The following EXOC4 variants were observed in gnomAD, a reference collection of about 807,000 sequenced individuals.
EXOC4 encodes the protein SEC8-like 1.
EXOC4 carries 71 observed loss-of-function variants against 107.2 expected under a neutral mutation model. The observed-to-expected ratio is 0.66, with a 90% confidence interval of 0.55 to 0.81. The LOEUF (loss-of-function observed/expected upper bound fraction) is 0.81. EXOC4 is among the 30% of genes least tolerant of loss of function. The pLI, the probability that EXOC4 is intolerant of heterozygous loss-of-function variation, is 0.00. For synonymous variants in EXOC4, 456 were observed against 441.2 expected, an observed-to-expected ratio of 1.03 and a Z score of -0.42; for missense variants, 1,108 against 1,189.6, an observed-to-expected ratio of 0.93 and a Z score of 1.01.
intron 2 of EXOC4, among the ~76,000 whole-genome samples, chr7:133,276,410 T>C (rs1793992813): frequency 6.6e-6 from 1 of 152,234 alleles, no homozygotes; most frequent in Admixed American, 6.5e-5. Context: ...CCACCACTTA[T>C]TGAACACTGA....
chr7:133,533,283 T>A (rs1340131955), intron 9 of EXOC4, among the ~76,000 whole-genome samples: 2 of 152,148 alleles, frequency 1.3e-5, no homozygotes, highest in African/African-American at 2.4e-5. Context: ...GTCTGGTATA[T>A]AATATACTTC....
intron 12 of EXOC4, 82 bp from the exon 13 acceptor site, chr7:133,917,501 T>C (rs1799835808): frequency 7.1e-7 from 1 of 1,401,624 alleles, no homozygotes. Context: ...ATTTCTTTTT[T>C]CCTGCAGCAA....
At chr7:133,540,612 T>C (rs1006248749) in intron 9 of EXOC4, among the ~76,000 whole-genome samples, 2 of 152,176 alleles carry the variant, frequency 1.3e-5, no homozygotes, top group African/African-American at 4.8e-5. Context: ...GCTCTTTGCA[T>C]ATATATATGT....
chr7:133,521,504 A>G (rs976343064), intron 9 of EXOC4, among the ~76,000 whole-genome samples: 1 of 152,148 alleles, frequency 6.6e-6, no homozygotes, highest in Admixed American at 6.5e-5. Context: ...ATTCTCCCCC[A>G]ATGTATTTTA....
chr7:134,100,656 A>T, the EXOC4 span, among the ~76,000 whole-genome samples: 1 of 130,592 alleles, frequency 7.7e-6, no homozygotes, highest in African/African-American at 2.6e-5. Context: ...AAGACATCTA[A>T]ATTTTGGAGC....
At chr7:133,889,411 TTAC>T in intron 11 of EXOC4, among the ~76,000 whole-genome samples, 1 of 150,908 alleles carries the variant, frequency 6.6e-6, no homozygotes, top group Non-Finnish European at 1.5e-5. Flanking sequence ...TTTATTATTA[TTAC>T]TATTATTATT....
intron 17 of EXOC4, among the ~76,000 whole-genome samples, chr7:134,028,665 G>T (rs1795200089): frequency 6.6e-6 from 1 of 152,186 alleles, no homozygotes; most frequent in African/African-American, 2.4e-5. Flanking sequence ...CTTGTTAAGT[G>T]CCAACTAGTC....
At chr7:133,350,555 A>G (rs1031802071) in intron 5 of EXOC4, among the ~76,000 whole-genome samples, 14 of 152,120 alleles carry the variant, frequency 9.2e-5, no homozygotes, top group African/African-American at 2.9e-4. Context: ...CCAGCACCAC[A>G]GTGTTTTGAT....
chr7:133,671,591 A>G (rs1425031078), intron 10 of EXOC4, among the ~76,000 whole-genome samples: 1 of 152,100 alleles, frequency 6.6e-6, no homozygotes, highest in African/African-American at 2.4e-5. Context: ...GTAAATAAAT[A>G]GGATGGATTT....
At chr7:133,895,835 C>T in intron 12 of EXOC4, 100 bp downstream of exon 12, 2 of 1,320,322 alleles carry the variant, frequency 1.5e-6, no homozygotes, top group Non-Finnish European at 2.1e-6. Flanking sequence ...AAAGGATCAT[C>T]TCTGAGTTTG....
intron 9 of EXOC4, among the ~76,000 whole-genome samples, chr7:133,533,503 T>C (rs1800219102): frequency 6.6e-6 from 1 of 152,118 alleles, no homozygotes; most frequent in Non-Finnish European, 1.5e-5. Context: ...CTGGCTAGTT[T>C]ATGTAGAGCT....
intron 11 of EXOC4, among the ~76,000 whole-genome samples, chr7:133,840,569 A>G (rs745357838): frequency 2.2e-4 from 33 of 151,712 alleles, no homozygotes; most frequent in Non-Finnish European, 4.1e-4. Context: ...CAGTGGCGCA[A>G]TCTCAGCTCA....
At chr7:134,005,241 G>A (rs1429950226) in intron 16 of EXOC4, 151 bp downstream of exon 16, 7 of 724,770 alleles carry the variant, frequency 9.7e-6, no homozygotes, top group African/African-American at 1.8e-5. Flanking sequence ...TAGCCTCTTT[G>A]TGTATGACTA....
intron 9 of EXOC4, among the ~76,000 whole-genome samples, chr7:133,570,158 A>G (rs912144117): frequency 2.0e-5 from 3 of 152,218 alleles, no homozygotes; most frequent in African/African-American, 7.2e-5. Flanking sequence ...TAGTTGGCAC[A>G]GTGTCAATAT....
At chr7:133,316,778 T>C (rs1434573965) in intron 4 of EXOC4, among the ~76,000 whole-genome samples, 2 of 152,204 alleles carry the variant, frequency 1.3e-5, no homozygotes. Flanking sequence ...ATGAAATTTA[T>C]GAGTCTCTTT....
At chr7:133,700,994 T>G (rs541925585) in intron 10 of EXOC4, among the ~76,000 whole-genome samples, 10 of 152,080 alleles carry the variant, frequency 6.6e-5, no homozygotes, top group African/African-American at 2.2e-4. Context: ...AAAAAAAATA[T>G]AATGTATTCT....
chr7:133,408,503 A>T (rs1797280436), intron 7 of EXOC4, among the ~76,000 whole-genome samples: 1 of 151,116 alleles, frequency 6.6e-6, no homozygotes, highest in South Asian at 2.1e-4. Context: ...GGTAAGGATG[A>T]TGGAGGGATT....
intron 9 of EXOC4, among the ~76,000 whole-genome samples, chr7:133,494,539 A>C (rs1485329780): frequency 2.0e-5 from 3 of 152,242 alleles, no homozygotes; most frequent in Admixed American, 1.3e-4. Context: ...ATTGAGGACC[A>C]TTAACTCCAT....
At chr7:133,815,267 G>C (rs1215867014) in intron 10 of EXOC4, among the ~76,000 whole-genome samples, 1 of 151,212 alleles carries the variant, frequency 6.6e-6, no homozygotes, top group African/African-American at 2.4e-5. Flanking sequence ...TGTAATCCCA[G>C]ATACTAGGGA....
Sources: gnomAD v4.1 joint callset for allele counts (sites outside exome capture counted in the v4.1 genomes callset) on GRCh38, gnomAD v4.1.1 for gene constraint, MANE v1.5 for transcripts, NCBI Gene and HGNC (gene_info 2026-07-23, HGNC 2026-07-21) for gene names.